PHACTR4: variants seen among roughly 807,000 people sequenced by gnomAD.
PHACTR4 encodes protein phosphatase 1, regulatory subunit 124.
In PHACTR4, 51 loss-of-function variants were observed where a neutral mutation model predicts 72.7. The ratio of observed to expected loss-of-function variants is 0.70; its 90% confidence interval spans 0.56 to 0.89. PHACTR4 has a LOEUF of 0.89. Ranked by LOEUF, PHACTR4 falls within the 40% of genes least tolerant of loss-of-function variation. PHACTR4 has a pLI of 0.00. For missense variants in PHACTR4, 731 were observed against 861.8 expected (o/e 0.85, Z 1.90); for synonymous variants, 255 against 302.5 (o/e 0.84, Z 1.63).
Position 28,458,098 on chromosome 1 carries a change from GTGTGTGTGTT to G in PHACTR4, c.17-977_17-968del, listed in dbSNP as rs1366997339. On this transcript the variant is annotated intron_variant, in intron 2 of 13. Coordinates refer to ENST00000373839, the MANE Select transcript of PHACTR4 (RefSeq NM_001048183.3). ...TTTATGTCAAATCCTTAATATTATG[GTGTGTGTGTT>G]TGTGTGTGTGTGTGTGTGTGTGTGT... 7.7e-3 allele frequency among the ~76,000 whole-genome samples: 872 copies of G among 113,204 alleles called. 12 individuals are homozygous for G. The highest frequency in any genetic ancestry group is 0.039 in the African/African-American group (702 of 17,926). The allele number at this position is 113,204 out of a possible 152,430, so 74.3% of individuals were successfully genotyped here. A position where few individuals can be genotyped will look rare whatever the true frequency, so the allele number is the denominator to read the frequency against.
chr1:28,414,593 G>A (rs1480101912), intron 2 of PHACTR4, among the ~76,000 whole-genome samples: 1 of 151,880 alleles, frequency 6.6e-6, no homozygotes, highest in African/African-American at 2.4e-5. Context: ...GCCCAGGCTG[G>A]TCTTGAACTC....
intron 9 of PHACTR4, among the ~76,000 whole-genome samples, chr1:28,483,829 A>G (rs978176016): frequency 5.3e-5 from 8 of 151,644 alleles, no homozygotes; most frequent in Non-Finnish European, 8.8e-5. Context: ...AGAGAGAGAT[A>G]AATCAGCCAT....
At chr1:28,491,886 C>T (rs2124556934) in intron 12 of PHACTR4, 99 bp downstream of exon 12, 3 of 1,356,202 alleles carry the variant, frequency 2.2e-6, no homozygotes, top group East Asian at 5.0e-5. Flanking sequence ...ATAAACAAAA[C>T]TTCTAGTTTT....
chr1:28,447,001 T>TA (rs1208633432), intron 2 of PHACTR4, among the ~76,000 whole-genome samples: 7 of 151,334 alleles, frequency 4.6e-5, no homozygotes, highest in African/African-American at 1.7e-4. Flanking sequence ...CAGGTATTTC[T>TA]TTTTATTTAT....
At chr1:28,454,270 CTTTTTTTTTTTTT>C (rs945039969) in intron 2 of PHACTR4, among the ~76,000 whole-genome samples, 7 of 95,084 alleles carry the variant, frequency 7.4e-5, no homozygotes, top group Non-Finnish European at 2.0e-5. Context: ...ATCACTTTGT[CTTTTTTTTTTTTT>C]TTTTTTTTTT....
chr1:28,402,884 TAAC>T (rs754293824), intron 1 of PHACTR4, among the ~76,000 whole-genome samples: 3 of 152,314 alleles, frequency 2.0e-5, no homozygotes, highest in Admixed American at 6.5e-5. Flanking sequence ...ATTGATATTA[TAAC>T]AACATCAATC....
In PHACTR4 at chr1:28,473,567, A is replaced by G. The variant is rs753823422; in HGVS notation, c.837A>G (p.Gln279=). 2 of 1,608,344 alleles carry G rather than the reference A, an allele frequency of 1.2e-6. No homozygotes were observed. Among genetic ancestry groups the G allele is most frequent in the African/African-American group, 1.3e-5 (1 of 74,792 alleles). ...NSNPVIAELS[Q]AINSGTLLSK... ...TCTCTTTTCCAGCTGAACTGTCCCA[A>G]GCAATAAACAGTGGTACATTGTTAT... Residue 279 remains glutamine, a synonymous_variant, in exon 7 of 14, where the codon CAA becomes CAG. Coordinates refer to ENST00000373839, the MANE Select transcript of PHACTR4 (RefSeq NM_001048183.3).
At chr1:28,419,410 C>A (rs901207386) in intron 2 of PHACTR4, among the ~76,000 whole-genome samples, 1 of 151,804 alleles carries the variant, frequency 6.6e-6, no homozygotes, top group Non-Finnish European at 1.5e-5. Context: ...TATACACACA[C>A]ACATATAAAG....
At chr1:28,440,195 G>T (rs1656907326) in intron 2 of PHACTR4, among the ~76,000 whole-genome samples, 1 of 150,396 alleles carries the variant, frequency 6.6e-6, no homozygotes, top group Non-Finnish European at 1.5e-5. Flanking sequence ...CCAGCTACTC[G>T]GGAGGCTGAG....
chr1:28,404,331 G>A (rs1654166659), intron 1 of PHACTR4, among the ~76,000 whole-genome samples: 2 of 136,320 alleles, frequency 1.5e-5, no homozygotes, highest in Admixed American at 1.7e-4. Flanking sequence ...AACCCAGACT[G>A]GAGTGCAGTG....
intron 2 of PHACTR4, among the ~76,000 whole-genome samples, chr1:28,454,530 C>T (rs775170079): frequency 6.6e-6 from 1 of 152,010 alleles, no homozygotes; most frequent in Non-Finnish European, 1.5e-5. Context: ...TCCCAAAGTG[C>T]TGGGATTACA....
intron 8 of PHACTR4, among the ~76,000 whole-genome samples, chr1:28,478,556 C>T (rs1328822636): frequency 6.6e-6 from 1 of 152,108 alleles, no homozygotes; most frequent in Non-Finnish European, 1.5e-5. Context: ...CTCAGCCTCC[C>T]AAGTAGCTGG....
intron 5 of PHACTR4, among the ~76,000 whole-genome samples, 188 bp from the exon 6 acceptor site, chr1:28,466,194 T>C (rs1304587519): frequency 6.6e-6 from 1 of 152,166 alleles, no homozygotes; most frequent in East Asian, 1.9e-4. Context: ...AATGAGCATC[T>C]CTTAGTGAGC....
rs140818489 is a variant in PHACTR4 at position 28,483,993 on chromosome 1, C to A, written c.1760+3389C>A. On this transcript the variant is annotated intron_variant, in intron 9 of 13. Coordinates refer to ENST00000373839, the MANE Select transcript of PHACTR4 (RefSeq NM_001048183.3). The stretch of plus-strand genomic sequence containing the variant: ...ATTGCTTGAGGCCAGGAGTTTGAGA[C>A]CAGCCTGGGTAACATAGTAAGACTC... 5.0e-3 allele frequency among the ~76,000 whole-genome samples: 767 copies of A among 151,932 alleles called. 5 individuals carry two copies. The highest frequency in any genetic ancestry group is 0.017 in the African/African-American group (719 of 41,452).
At chr1:28,426,214 CCTT>C (rs1022756733) in intron 2 of PHACTR4, among the ~76,000 whole-genome samples, 10 of 128,346 alleles carry the variant, frequency 7.8e-5, no homozygotes, top group East Asian at 3.9e-4. Flanking sequence ...GAGCGAGAAA[CCTT>C]CTCAAAAAAA....
chr1:28,405,778 C>T (rs550992652), intron 1 of PHACTR4, among the ~76,000 whole-genome samples: 5 of 151,866 alleles, frequency 3.3e-5, no homozygotes, highest in African/African-American at 1.2e-4. Flanking sequence ...GTAATCCCAG[C>T]TACTCAGGAG....
rs1260561788 is a variant in PHACTR4 at position 28,475,080 on chromosome 1, A to G, written c.1421+929A>G. 2.6e-5 allele frequency among the ~76,000 whole-genome samples: 4 copies of G among 151,520 alleles called. No individual in the cohort carries two copies. In the East Asian group the frequency reaches 7.7e-4, roughly 29 times the overall value. On this transcript the variant is annotated intron_variant, in intron 7 of 13. Transcript: ENST00000373839. Reference sequence around the variant, plus strand: ...TTCTCCCTCCTCAGCCTCCCGAGTAACTGTGACTACAGGCGCATGCCATCA... The same window carrying G: ...TTCTCCCTCCTCAGCCTCCCGAGTAGCTGTGACTACAGGCGCATGCCATCA...
chr1:28,382,597 C>T (rs1166726141), intron 1 of PHACTR4, among the ~76,000 whole-genome samples: 1 of 152,058 alleles, frequency 6.6e-6, no homozygotes, highest in East Asian at 1.9e-4. Context: ...GCCACCGCGC[C>T]CGGCCTATCA....
intron 1 of PHACTR4, among the ~76,000 whole-genome samples, chr1:28,375,984 G>A (rs1651628748): frequency 6.6e-6 from 1 of 151,956 alleles, no homozygotes; most frequent in Non-Finnish European, 1.5e-5. Flanking sequence ...CAGGAGAATG[G>A]CTTGAACTCG....
Sources: allele counts gnomAD v4.1 joint callset (sites outside exome capture counted in the v4.1 genomes callset), GRCh38; gene constraint gnomAD v4.1.1; transcripts MANE v1.5; gene names NCBI Gene and HGNC (gene_info 2026-07-23, HGNC 2026-07-21).